The following E2F5 variants were observed in gnomAD, a reference collection of about 807,000 sequenced individuals.
E2F5 encodes the protein E2F transcription factor 5, also known as transcription factor E2F5.
A neutral mutation model predicts 39.1 loss-of-function variants in E2F5; 23 were observed. The ratio of observed to expected loss-of-function variants is 0.59; its 90% CI spans 0.42 to 0.83. The LOEUF is 0.83. Among genes scored for constraint, E2F5 ranks in the 40% least tolerant of loss-of-function variants. The probability of loss-of-function intolerance (pLI) is 0.00; values close to 1 mark genes in which losing one functional copy is unlikely to be tolerated. For missense variants in E2F5, 365 were observed against 406.7 expected, an observed-to-expected ratio of 0.90 and a Z score of 0.88; for synonymous variants, 145 against 157.8, an observed-to-expected ratio of 0.92 and a Z score of 0.61.
chr8:85,203,607 G>A (rs1487302048), intron 3 of E2F5, among the ~76,000 whole-genome samples: 1 of 151,476 alleles, frequency 6.6e-6, no homozygotes, highest in Non-Finnish European at 1.5e-5. Flanking sequence ...AAATAATTAT[G>A]TTCAGTGTTC....
At chr8:85,180,452 AT>A (rs1215763675) in intron 1 of E2F5, among the ~76,000 whole-genome samples, 3 of 143,012 alleles carry the variant, frequency 2.1e-5, no homozygotes, top group Admixed American at 7.4e-5. Flanking sequence ...TTTCAGCATA[AT>A]TTTTTTGAAA....
chr8:85,194,445 G>A (rs1030730117), intron 1 of E2F5, among the ~76,000 whole-genome samples: 1 of 150,958 alleles, frequency 6.6e-6, no homozygotes, highest in Non-Finnish European at 1.5e-5. Flanking sequence ...GACACCATTC[G>A]TTATCCTTTA....
intron 7 of E2F5, 63 bp from the exon 8 acceptor site, chr8:85,213,690 G>T: frequency 1.2e-6 from 1 of 833,644 alleles, no homozygotes; most frequent in Non-Finnish European, 2.0e-6. Flanking sequence ...AGAGTATTTT[G>T]TTAAAGATCA....
intron 6 of E2F5, among the ~76,000 whole-genome samples, chr8:85,210,044 T>C (rs1254398096): frequency 2.0e-5 from 3 of 152,140 alleles, no homozygotes; most frequent in South Asian, 2.1e-4. Context: ...GTATCAGGAG[T>C]AGAGAGCACA....
intron 2 of E2F5, 34 bp downstream of exon 2, chr8:85,202,290 T>TTTA (rs3217409): frequency 0.73 from 1,074,654 of 1,464,332 alleles, 400,008 homozygotes; most frequent in African/African-American, 0.78. Flanking sequence ...TTCTGAAACC[T>TTTA]TTTTTCTTCT....
intron 1 of E2F5, among the ~76,000 whole-genome samples, chr8:85,199,081 C>T (rs948151224): frequency 2.6e-5 from 4 of 152,132 alleles, no homozygotes; most frequent in Admixed American, 6.5e-5. Flanking sequence ...GCTACCCCTC[C>T]ATCCAAGCCA....
At chr8:85,186,555 A>G (rs1253885618) in intron 1 of E2F5, among the ~76,000 whole-genome samples, 3 of 148,744 alleles carry the variant, frequency 2.0e-5, no homozygotes, top group South Asian at 4.2e-4. Context: ...TGGTATATAC[A>G]TAAGGTATAT....
At chr8:85,187,472 T>C (rs1812368016) in intron 1 of E2F5, among the ~76,000 whole-genome samples, 3 of 152,186 alleles carry the variant, frequency 2.0e-5, no homozygotes, top group Admixed American at 6.5e-5. Context: ...GGTGCTGCTA[T>C]ATTGGGTTCA....
intron 1 of E2F5, 51 bp downstream of exon 1, chr8:85,177,705 G>A: frequency 8.2e-7 from 1 of 1,215,872 alleles, no homozygotes; most frequent in South Asian, 3.9e-5. Context: ...CGTGGCCCCC[G>A]GGGAAGCCCA....
intron 1 of E2F5, chr8:85,177,871 C>A: frequency 2.5e-6 from 2 of 790,658 alleles, no homozygotes; most frequent in African/African-American, 1.8e-5. Context: ...GACGCGTAAC[C>A]AATGGGGCCC....
intron 1 of E2F5, among the ~76,000 whole-genome samples, chr8:85,186,729 ATATATATAAGG>A (rs1329019782): frequency 6.8e-6 from 1 of 147,060 alleles, no homozygotes; most frequent in Non-Finnish European, 1.5e-5. Flanking sequence ...TGTATATATG[ATATATATAAGG>A]TATATATATG....
chr8:85,196,244 A>G (rs1587490728), intron 1 of E2F5, among the ~76,000 whole-genome samples: 1 of 152,266 alleles, frequency 6.6e-6, no homozygotes, highest in East Asian at 1.9e-4. Flanking sequence ...TTACAGACCC[A>G]TTGAAAACAC....
chr8:85,196,903 A>T (rs1339084965), intron 1 of E2F5, among the ~76,000 whole-genome samples: 1 of 152,242 alleles, frequency 6.6e-6, no homozygotes, highest in Non-Finnish European at 1.5e-5. Context: ...TTAAGTAATA[A>T]TTAGTCCAAA....
intron 1 of E2F5, among the ~76,000 whole-genome samples, chr8:85,178,640 AC>A (rs2136036150): frequency 6.6e-6 from 1 of 152,362 alleles, no homozygotes; most frequent in South Asian, 2.1e-4. Context: ...ATGTGGCCTT[AC>A]TTGGAGGATT....
chr8:85,179,815 G>A (rs981992388), intron 1 of E2F5, among the ~76,000 whole-genome samples: 1 of 150,706 alleles, frequency 6.6e-6, no homozygotes, highest in Non-Finnish European at 1.5e-5. Context: ...GCCCGCCAGC[G>A]CACCCAGCTA....
chr8:85,177,405 G>C lies in E2F5; in HGVS notation c.-16G>C. Reference sequence around the variant, plus strand: ...GAAAGTGCGCGGGGGCCCGACCACCGCGGGGCCGGGACGCGATGGCGGCGG... The same window carrying C: ...GAAAGTGCGCGGGGGCCCGACCACCCCGGGGCCGGGACGCGATGGCGGCGG... On this transcript the variant is annotated 5_prime_UTR_variant, in exon 1 of 8. Transcript: ENST00000416274. 2 of 987,504 alleles carry C rather than the reference G, an allele frequency of 2.0e-6. No individual in the cohort carries two copies. Among genetic ancestry groups the C allele is most frequent in the Non-Finnish European group, 2.4e-6 (2 of 832,336 alleles). 61.2% of individuals were successfully genotyped at this position (987,504 alleles called of 1,614,324 possible).
intron 2 of E2F5, 26 bp downstream of exon 2, chr8:85,202,282 C>T: frequency 6.8e-7 from 1 of 1,464,576 alleles, no homozygotes; most frequent in Non-Finnish European, 9.1e-7. Flanking sequence ...GCACCCTCTT[C>T]TGAAACCTTT....
rs1812864586 is a variant in E2F5 at position 85,209,232 on chromosome 8, T to C, written c.706T>C (p.Ser236Pro). 1 of 1,613,864 alleles carries C rather than the reference T, an allele frequency of 6.2e-7. No homozygotes were observed. Among genetic ancestry groups the C allele is most frequent in the Non-Finnish European group, 8.5e-7 (1 of 1,179,892 alleles). The change falls in exon 6 of 8, where the codon TCT (serine) becomes CCT (proline). Residue 236 changes from serine (S) to proline (P), a missense_variant. Transcript: ENST00000416274. ...GCTTATAAATAAAGAGTCGAGTTCA[T>C]CTAAGCCCGTGGTTTTTCCTGTTCC... ...VLLINKESSS[S>P]KPVVFPVPPP...
At chr8:85,189,051 T>C (rs1812406563) in intron 1 of E2F5, among the ~76,000 whole-genome samples, 1 of 152,182 alleles carries the variant, frequency 6.6e-6, no homozygotes, top group Admixed American at 6.5e-5. Flanking sequence ...TACTCTGCCA[T>C]CTTGCTCCAT....
Sources: allele counts gnomAD v4.1 joint callset (sites outside exome capture counted in the v4.1 genomes callset), GRCh38; gene constraint gnomAD v4.1.1; transcripts MANE v1.5; gene names NCBI Gene and HGNC (gene_info 2026-07-23, HGNC 2026-07-21).